LAMC2: variants seen among roughly 807,000 people sequenced by gnomAD.
The protein encoded by LAMC2 is laminin subunit gamma-2.
Under a neutral mutation model 140.2 loss-of-function variants are expected in LAMC2, and 97 were observed. The observed-to-expected ratio is 0.69, with a 90% CI of 0.59 to 0.82. LAMC2 has a LOEUF of 0.82. Ranked by LOEUF, LAMC2 falls within the 40% of genes least tolerant of loss-of-function variation. The probability of loss-of-function intolerance (pLI) is 0.00; values close to 1 mark genes in which losing one functional copy is unlikely to be tolerated. For synonymous variants in LAMC2, 513 were observed against 540.2 expected, an observed-to-expected ratio of 0.95 and a Z score of 0.70; for missense variants, 1,402 against 1,476.1, an observed-to-expected ratio of 0.95 and a Z score of 0.82.
At chr1:183,238,497 T>C in intron 19 of LAMC2, 76 bp downstream of exon 19, 1 of 933,216 alleles carries the variant, frequency 1.1e-6, no homozygotes, top group South Asian at 1.3e-5. Flanking sequence ...AATTCTCATA[T>C]GTCTCTCTAA....
intron 3 of LAMC2, among the ~76,000 whole-genome samples, chr1:183,217,053 G>T (rs891537879): frequency 2.2e-4 from 33 of 152,176 alleles, no homozygotes; most frequent in African/African-American, 7.7e-4. Context: ...CAAAGATAAA[G>T]ATTGGCAAAG....
chr1:183,232,427 T>C, intron 13 of LAMC2, 84 bp downstream of exon 13: 3 of 1,470,422 alleles, frequency 2.0e-6, no homozygotes, highest in Non-Finnish European at 2.8e-6. Flanking sequence ...GAATCTTCTA[T>C]GGATATCAGT....
intron 2 of LAMC2, among the ~76,000 whole-genome samples, chr1:183,213,667 G>C (rs1333793373): frequency 1.4e-5 from 2 of 147,688 alleles, no homozygotes; most frequent in Non-Finnish European, 3.0e-5. Context: ...AGGTGTGGTG[G>C]CACATGCCTG....
intron 1 of LAMC2, among the ~76,000 whole-genome samples, chr1:183,189,706 T>C (rs950082500): frequency 1.3e-5 from 2 of 151,882 alleles, no homozygotes; most frequent in African/African-American, 2.4e-5. Flanking sequence ...GCACTGAGGA[T>C]AGAGGAAAAT....
At chr1:183,224,673 TACACACACACACAC>T (rs3064952) in intron 7 of LAMC2, among the ~76,000 whole-genome samples, 4 of 147,884 alleles carry the variant, frequency 2.7e-5, no homozygotes, top group African/African-American at 5.0e-5. Flanking sequence ...GTTCTAATGA[TACACACACACACAC>T]ACACACACAC....
At chr1:183,212,258 T>C (rs1659093425) in intron 2 of LAMC2, among the ~76,000 whole-genome samples, 1 of 152,216 alleles carries the variant, frequency 6.6e-6, no homozygotes, top group South Asian at 2.1e-4. Flanking sequence ...AATTTCATCA[T>C]GAGGGACTTC....
intron 1 of LAMC2, among the ~76,000 whole-genome samples, chr1:183,206,718 A>G (rs1658897292): frequency 6.6e-6 from 1 of 151,892 alleles, no homozygotes; most frequent in Non-Finnish European, 1.5e-5. Context: ...GAGCCTGCAC[A>G]GGGAGCCACT....
At chr1:183,189,906 T>A (rs764241660) in intron 1 of LAMC2, among the ~76,000 whole-genome samples, 2 of 152,216 alleles carry the variant, frequency 1.3e-5, no homozygotes, top group Non-Finnish European at 2.9e-5. Flanking sequence ...TTATCATAGA[T>A]CACTAATTTG....
At chr1:183,221,502 G>T (rs1659467976) in intron 5 of LAMC2, among the ~76,000 whole-genome samples, 1 of 152,134 alleles carries the variant, frequency 6.6e-6, no homozygotes, top group South Asian at 2.1e-4. Context: ...GCCGAGACAG[G>T]TGGATCACGA....
Position 183,208,135 on chromosome 1 carries a change from G to A in LAMC2, c.268+66G>A, listed in dbSNP as rs77922049. 1.2e-3 allele frequency: 1,733 copies of A among 1,408,822 alleles called. 33 individuals are homozygous for A. In the East Asian group the frequency reaches 0.031, roughly 25 times the overall value. 87.3% of individuals were successfully genotyped at this position (1,408,822 alleles called of 1,614,324 possible). ...AGTGGGGAGACAAGAGGGAAGGAAGGAAGGAGGAAAAGAAGAAGGAAGGGA... is the reference window on the plus strand; with the variant it reads ...AGTGGGGAGACAAGAGGGAAGGAAGAAAGGAGGAAAAGAAGAAGGAAGGGA... On this transcript the variant is annotated intron_variant, in intron 2 of 22. Transcript: ENST00000264144.
At position 183,227,667 on chromosome 1, in the gene LAMC2, G is replaced by A. The variant is rs773229937; in HGVS notation, c.1438G>A (p.Val480Met). ...CSVMPETEEV[V>M]CNNCPPGVTG... is the part of the protein sequence containing the mutation. ...AGTGATGCCGGAGACGGAGGAGGTG[G>A]TGTGCAATAACTGCCCTCCCGGGGT... Residue 480 changes from valine to methionine, a missense_variant, in exon 10 of 23, where the codon GTG (valine) becomes ATG (methionine). Physicochemically the swap from Val to Met is conservative, Grantham distance 21. This residue lies in a region of LAMC2 where 723 missense variants were observed against 783.3 expected (regional missense o/e 0.92). Transcript: ENST00000264144. The A allele has an allele frequency of 1.0e-4, 169 of 1,614,088 alleles. 1 individual carries two copies. The South Asian group carries it at 1.4e-3, about 13-fold the overall frequency.
intron 12 of LAMC2, among the ~76,000 whole-genome samples, chr1:183,231,304 C>T (rs1164345914): frequency 6.6e-6 from 1 of 152,076 alleles, no homozygotes. Context: ...TTATATATAC[C>T]ATTTTCAAAA....
chr1:183,195,446 ATGATTCAAAATTGC>A (rs1658484549), intron 1 of LAMC2, among the ~76,000 whole-genome samples: 1 of 152,198 alleles, frequency 6.6e-6, no homozygotes. Flanking sequence ...CCCATACTTT[ATGATTCAAAATTGC>A]CTGTGAGATT....
intron 3 of LAMC2, 149 bp from the exon 4 acceptor site, chr1:183,218,241 G>T: frequency 1.4e-6 from 1 of 694,334 alleles, no homozygotes; most frequent in South Asian, 1.6e-5. Context: ...TGTGAGAGAG[G>T]TCCGCACGGG....
chr1:183,205,893 A>G (rs915396372), intron 1 of LAMC2, among the ~76,000 whole-genome samples: 1 of 152,152 alleles, frequency 6.6e-6, no homozygotes. Flanking sequence ...GCAAAAACAC[A>G]TGATGAAAAT....
chr1:183,191,091 G>T (rs1243497595), intron 1 of LAMC2, among the ~76,000 whole-genome samples: 3 of 152,202 alleles, frequency 2.0e-5, no homozygotes, highest in Non-Finnish European at 4.4e-5. Context: ...ATTGATTGAG[G>T]TCATTTTAGC....
At chr1:183,203,473 GC>G (rs969572056) in intron 1 of LAMC2, among the ~76,000 whole-genome samples, 3 of 150,614 alleles carry the variant, frequency 2.0e-5, no homozygotes, top group African/African-American at 7.3e-5. Context: ...GTTGTTTCCT[GC>G]CCCCCGCCCC....
chr1:183,246,864 A>G (rs1252948250), downstream of LAMC2, among the ~76,000 whole-genome samples: 1 of 152,216 alleles, frequency 6.6e-6, no homozygotes, highest in African/African-American at 2.4e-5. Context: ...TCTTCATACT[A>G]TTGGCTACAT....
chr1:183,229,677 C>A (rs986365354), intron 11 of LAMC2, among the ~76,000 whole-genome samples: 1 of 151,728 alleles, frequency 6.6e-6, no homozygotes, highest in Non-Finnish European at 1.5e-5. Flanking sequence ...TCTGGACACC[C>A]AGGTTGGAAG....
Sources: gnomAD v4.1 joint callset for allele counts (sites outside exome capture counted in the v4.1 genomes callset) on GRCh38, gnomAD v4.1.1 for gene constraint, gnomAD v4.1.1 regional missense constraint, MANE v1.5 for transcripts, NCBI Gene and HGNC (gene_info 2026-07-23, HGNC 2026-07-21) for gene names.